Variants in CDK6 observed in about 807,000 individuals in gnomAD.
CDK6 encodes cyclin-dependent kinase 6.
A neutral mutation model predicts 37.1 loss-of-function variants in CDK6; 6 were observed. That is an observed-to-expected ratio of 0.16 (90% CI 0.09 to 0.32). The LOEUF (loss-of-function observed/expected upper bound fraction) is 0.32, where lower values mean the gene tolerates loss of function less well. Among genes scored for constraint, CDK6 ranks in the 10% least tolerant of loss-of-function variants. The pLI, the probability that CDK6 is intolerant of heterozygous loss-of-function variation, is 1.00. For synonymous variants in CDK6, 160 were observed against 161.3 expected (o/e 0.99, Z 0.06); for missense variants, 224 against 418.9 (o/e 0.53, Z 4.06).
At position 92,819,248 on chromosome 7, in the gene CDK6, T is replaced by G. The variant is rs561802080; in HGVS notation, c.233+13843A>C. The stretch of plus-strand genomic sequence containing the variant: ...TGAACTACTCAAACAGTCAACAACA[T>G]AAATGAATCTCAAAAACACTATCAA... On this transcript the variant is annotated intron_variant, in intron 2 of 7. Coordinates refer to ENST00000424848, the MANE Select transcript of CDK6 (RefSeq NM_001145306.2). Among the ~76,000 whole-genome samples the G allele has an allele frequency of 3.5e-4, 53 of 152,150 alleles. 1 individual carries two copies. Among genetic ancestry groups the G allele is most frequent in the African/African-American group, 1.2e-3 (50 of 41,534 alleles).
intron 2 of CDK6, among the ~76,000 whole-genome samples, chr7:92,808,580 T>C (rs1800787230): frequency 6.6e-6 from 1 of 152,252 alleles, no homozygotes; most frequent in African/African-American, 2.4e-5. Context: ...TCTATCTTCT[T>C]GCATTATTTG....
Position 92,609,358 on chromosome 7 carries a change from T to A in CDK6, c.*5782A>T. Reference sequence around the variant, plus strand: ...GACTTGTAAATTTAAAAAAAGTATATAAAGTTGCCAAAAAACTTCAAAAGT... The same window carrying A: ...GACTTGTAAATTTAAAAAAAGTATAAAAAGTTGCCAAAAAACTTCAAAAGT... On this transcript the variant is annotated 3_prime_UTR_variant, in exon 8 of 8. Coordinates refer to ENST00000424848, the MANE Select transcript of CDK6 (RefSeq NM_001145306.2). 1 of 231,422 alleles carries A rather than the reference T, an allele frequency of 4.3e-6. No homozygotes were observed. The highest frequency in any genetic ancestry group is 2.2e-5 in the African/African-American group (1 of 45,340). The allele number at this position is 231,422 out of a possible 1,614,324, so 14.3% of individuals were successfully genotyped here.
chr7:92,793,004 T>A (rs1267757208), intron 2 of CDK6, among the ~76,000 whole-genome samples: 2 of 151,684 alleles, frequency 1.3e-5, no homozygotes, highest in Non-Finnish European at 2.9e-5. Flanking sequence ...TTAAAAAAAA[T>A]TCAATGTATG....
chr7:92,622,955 C>T, intron 6 of CDK6, 81 bp downstream of exon 6: 1 of 821,826 alleles, frequency 1.2e-6, no homozygotes, highest in African/African-American at 1.7e-5. Context: ...GAGATAAACA[C>T]ATGATATGCA....
chr7:92,614,534 T>G lies in CDK6; in HGVS notation c.*606A>C, dbSNP rs1191320788. The G allele has an allele frequency of 4.3e-6, 1 of 233,416 alleles. No homozygotes were observed. The highest frequency in any genetic ancestry group is 8.5e-6 in the Non-Finnish European group (1 of 118,102). 14.5% of individuals were successfully genotyped at this position (233,416 alleles called of 1,614,324 possible). A position where few individuals can be genotyped will look rare whatever the true frequency, so the allele number is the denominator to read the frequency against. On this transcript the variant is annotated 3_prime_UTR_variant, in exon 8 of 8. Transcript: ENST00000424848. ...CTGCTTTTGGCCAGAAAAGAAATGC[T>G]GAGGACATGGGGTTAACTTTCTAAT... is the stretch of plus-strand genomic sequence containing the variant.
In CDK6 at chr7:92,806,081, T is replaced by C. The variant is rs548139905; in HGVS notation, c.233+27010A>G. 2.0e-5 allele frequency among the ~76,000 whole-genome samples: 3 copies of C among 152,342 alleles called. No individual in the cohort carries two copies. In the East Asian group the frequency reaches 5.8e-4, roughly 29 times the overall value. ...AATGATTAAAACTGTAAATTGTATG[T>C]TATGTTTATTGACCACATATGTTAT... On this transcript the variant is annotated intron_variant, in intron 2 of 7. Coordinates refer to ENST00000424848, the MANE Select transcript of CDK6 (RefSeq NM_001145306.2).
At chr7:92,704,465 C>G (rs987138544) in intron 4 of CDK6, among the ~76,000 whole-genome samples, 2 of 152,136 alleles carry the variant, frequency 1.3e-5, no homozygotes, top group East Asian at 1.9e-4. Context: ...CTTCTCTTTA[C>G]CCCCACAGGC....
At chr7:92,832,914 G>T (rs1468936301) in intron 2 of CDK6, among the ~76,000 whole-genome samples, 177 bp downstream of exon 2, 4 of 152,178 alleles carry the variant, frequency 2.6e-5, no homozygotes, top group Non-Finnish European at 5.9e-5. Context: ...AAGGTCACCG[G>T]CTCTGGCTCG....
intron 5 of CDK6, among the ~76,000 whole-genome samples, chr7:92,634,319 T>G (rs188447021): frequency 7.2e-5 from 11 of 152,322 alleles, no homozygotes; most frequent in Admixed American, 6.5e-4. Context: ...ATTTGTGATT[T>G]ATGATAAATT....
chr7:92,726,771 C>T (rs989661835), intron 3 of CDK6, among the ~76,000 whole-genome samples: 15 of 152,080 alleles, frequency 9.9e-5, no homozygotes, highest in Non-Finnish European at 5.9e-5. Context: ...TGGAAAACCT[C>T]GATTCAAATC....
chr7:92,826,462 G>A (rs957818333), intron 2 of CDK6, among the ~76,000 whole-genome samples: 2 of 152,230 alleles, frequency 1.3e-5, no homozygotes, highest in African/African-American at 4.8e-5. Flanking sequence ...AATTTCAACA[G>A]GTGGAGAGTG....
chr7:92,760,217 C>T (rs996240078), intron 3 of CDK6, among the ~76,000 whole-genome samples: 1 of 152,112 alleles, frequency 6.6e-6, no homozygotes, highest in Admixed American at 6.5e-5. Flanking sequence ...CCCAATTATA[C>T]TATTTAATGG....
chr7:92,629,922 G>A (rs1352929486), intron 5 of CDK6, among the ~76,000 whole-genome samples: 1 of 152,070 alleles, frequency 6.6e-6, no homozygotes, highest in African/African-American at 2.4e-5. Context: ...CGTGGCTAGA[G>A]AGAGGGTATG....
At chr7:92,733,337 C>T (rs1351093492) in intron 3 of CDK6, among the ~76,000 whole-genome samples, 2 of 152,170 alleles carry the variant, frequency 1.3e-5, no homozygotes, top group Non-Finnish European at 2.9e-5. Flanking sequence ...CCTGTTTACC[C>T]CACACTCAAC....
intron 2 of CDK6, among the ~76,000 whole-genome samples, chr7:92,815,404 A>C (rs1801002182): frequency 1.3e-5 from 2 of 152,184 alleles, no homozygotes; most frequent in Admixed American, 6.6e-5. Context: ...CAGTCTTTAT[A>C]AAAACTAATG....
At chr7:92,738,250 A>C (rs1798833195) in intron 3 of CDK6, among the ~76,000 whole-genome samples, 1 of 152,170 alleles carries the variant, frequency 6.6e-6, no homozygotes, top group African/African-American at 2.4e-5. Context: ...TCTTCAGGCC[A>C]AATGGAACTG....
In CDK6 at chr7:92,615,155, C is replaced by T. The variant is rs776571874; in HGVS notation, c.966G>A (p.Glu322=). 1 of 1,613,800 alleles carries T rather than the reference C, an allele frequency of 6.2e-7. No homozygotes were observed. Residue 322 remains glutamate (E), a synonymous_variant, in exon 8 of 8, where the codon GAG becomes GAA. Transcript: ENST00000424848. ...TGCTGAGGCCTCAGGCTGTATTCAG[C>T]TCCGAGGTGTTCTGGCTGGGCGGCA... The part of the protein sequence containing the change: ...SHLPPSQNTS[E]LNTA
chr7:92,796,571 T>C (rs1800419053), intron 2 of CDK6, among the ~76,000 whole-genome samples: 4 of 152,158 alleles, frequency 2.6e-5, no homozygotes, highest in Admixed American at 2.0e-4. Flanking sequence ...ATTTCCCTTT[T>C]ACAATTGAAA....
At chr7:92,759,820 T>G (rs1326912678) in intron 3 of CDK6, among the ~76,000 whole-genome samples, 1 of 152,122 alleles carries the variant, frequency 6.6e-6, no homozygotes, top group Admixed American at 6.6e-5. Context: ...ATATTGTCCT[T>G]GAGTGGACAG....
Sources: allele counts gnomAD v4.1 joint callset (sites outside exome capture counted in the v4.1 genomes callset), GRCh38; gene constraint gnomAD v4.1.1; transcripts MANE v1.5; gene names NCBI Gene and HGNC (gene_info 2026-07-23, HGNC 2026-07-21).